Variants in ZNF385D observed in about 807,000 individuals in gnomAD.
The protein encoded by ZNF385D is zinc finger protein 385D.
In ZNF385D, 15 loss-of-function variants were observed where a neutral mutation model predicts 35.8. The ratio of observed to expected loss-of-function variants is 0.42; its 90% CI spans 0.28 to 0.64. The LOEUF is 0.64. Ranked by LOEUF, ZNF385D falls within the 30% of genes least tolerant of loss-of-function variation. ZNF385D has a pLI of 0.23. For synonymous variants in ZNF385D, 212 were observed against 186.8 expected, an observed-to-expected ratio of 1.13 and a Z score of -1.10; for missense variants, 474 against 494.6, an observed-to-expected ratio of 0.96 and a Z score of 0.39.
Position 21,465,045 on chromosome 3 carries a change from C to T in ZNF385D, c.440-27842G>A, listed in dbSNP as rs1703428947. Reference sequence around the variant, plus strand: ...ATTTCTTTCTCATTAAATACTTTGTCATTTTTACAGAAAGATTTCATATCC... The same window carrying T: ...ATTTCTTTCTCATTAAATACTTTGTTATTTTTACAGAAAGATTTCATATCC... On this transcript the variant is annotated intron_variant, in intron 4 of 7. Transcript: ENST00000281523. This position sits in a 1 kb window ranked among gnomAD's most constrained non-coding sequence, Gnocchi z 4.2. 6.6e-6 allele frequency among the ~76,000 whole-genome samples: 1 copy of T among 152,284 alleles called. No individual in the cohort carries two copies. The highest frequency in any genetic ancestry group is 2.1e-4 in the South Asian group (1 of 4,826).
At chr3:22,000,196 TA>T (rs1695747851) in intron 3 of ZNF385D, among the ~76,000 whole-genome samples, 1 of 151,836 alleles carries the variant, frequency 6.6e-6, no homozygotes, top group Admixed American at 6.6e-5. Context: ...TCCCAGCTAC[TA>T]AGGAGGCTGA....
At chr3:22,162,656 T>C (rs1359180747) in intron 3 of ZNF385D, among the ~76,000 whole-genome samples, 3 of 152,206 alleles carry the variant, frequency 2.0e-5, no homozygotes, top group Admixed American at 1.3e-4. Context: ...GCAGCCATTC[T>C]TTCTATAACC....
At chr3:22,359,074 C>CAA (rs564037085) in intron 2 of ZNF385D, among the ~76,000 whole-genome samples, 2 of 122,948 alleles carry the variant, frequency 1.6e-5, no homozygotes, top group Admixed American at 7.9e-5. Flanking sequence ...ACAAAAAAAC[C>CAA]AAAAAAAAAA....
chr3:22,163,201 G>A (rs934856833), intron 3 of ZNF385D, among the ~76,000 whole-genome samples: 1 of 152,072 alleles, frequency 6.6e-6, no homozygotes, highest in Non-Finnish European at 1.5e-5. Context: ...AATTTAGCAG[G>A]CAAAATTCCT....
chr3:21,968,285 C>G (rs899312440), intron 3 of ZNF385D, among the ~76,000 whole-genome samples: 1 of 152,150 alleles, frequency 6.6e-6, no homozygotes, highest in Admixed American at 6.5e-5. Flanking sequence ...AGCCCTCCAC[C>G]ATGGGCTAAA....
intron 2 of ZNF385D, among the ~76,000 whole-genome samples, chr3:22,224,477 A>G (rs1698439946): frequency 6.6e-6 from 1 of 152,158 alleles, no homozygotes; most frequent in African/African-American, 2.4e-5. Context: ...AAATGGTTTT[A>G]CTACTGCTCA....
intron 3 of ZNF385D, among the ~76,000 whole-genome samples, chr3:22,007,424 A>T (rs968424595): frequency 6.6e-6 from 1 of 152,214 alleles, no homozygotes; most frequent in South Asian, 2.1e-4. Context: ...CCAAATTTGC[A>T]ATTTCTAATA....
rs1701952799 is a variant in ZNF385D, at chr3:21,443,125, A to G, written c.440-5922T>C. The G allele has an allele frequency of 6.1e-6, 6 of 985,054 alleles. No homozygotes were observed. In the South Asian group the frequency reaches 2.3e-4, roughly 39 times the overall value. 61.0% of individuals were successfully genotyped at this position (985,054 alleles called of 1,614,324 possible). A position where few individuals can be genotyped will look rare whatever the true frequency, so the allele number is the denominator to read the frequency against. On this transcript the variant is annotated intron_variant, in intron 4 of 7. Transcript: ENST00000281523. ...ACGGCCTAGAAATCCCAAAGCCACC[A>G]AATGAGGCTGTGGAGAAATCAAGTG... is the stretch of plus-strand genomic sequence containing the variant.
intron 2 of ZNF385D, among the ~76,000 whole-genome samples, chr3:21,626,330 A>G (rs2065133278): frequency 6.6e-6 from 1 of 152,128 alleles, no homozygotes; most frequent in Non-Finnish European, 1.5e-5. Flanking sequence ...AAACTATGCT[A>G]CATGTGTTAT....
chr3:22,260,030 C>T (rs959737158), intron 2 of ZNF385D, among the ~76,000 whole-genome samples: 24 of 151,834 alleles, frequency 1.6e-4, no homozygotes, highest in Non-Finnish European at 8.8e-5. Flanking sequence ...GCAAAATATG[C>T]ATATAGTATA....
At chr3:22,192,172 C>T (rs7637060) in intron 2 of ZNF385D, among the ~76,000 whole-genome samples, 18,955 of 152,106 alleles carry the variant, frequency 0.12, 1,530 homozygotes, top group Middle Eastern at 0.23. Flanking sequence ...CAAAGGAGGA[C>T]ATATGAGCCA....
At chr3:21,689,239 A>G (rs1244637726) in intron 1 of ZNF385D, among the ~76,000 whole-genome samples, 1 of 152,138 alleles carries the variant, frequency 6.6e-6, no homozygotes, top group Non-Finnish European at 1.5e-5. Flanking sequence ...TACTATAACA[A>G]TAGAGACCAG....
At chr3:22,168,781 AT>A (rs1365928045) in intron 3 of ZNF385D, 21 of 974,006 alleles carry the variant, frequency 2.2e-5, no homozygotes, top group Non-Finnish European at 2.0e-5. Context: ...TAAATTGATG[AT>A]GTAAAATTGA....
intron 2 of ZNF385D, among the ~76,000 whole-genome samples, chr3:22,206,441 T>C (rs1020826421): frequency 3.3e-5 from 5 of 151,916 alleles, no homozygotes; most frequent in Admixed American, 1.3e-4. Context: ...CTAATAGATA[T>C]TTACAGAGAA....
chr3:22,130,809 G>C (rs1233823761), intron 3 of ZNF385D, among the ~76,000 whole-genome samples: 1 of 152,052 alleles, frequency 6.6e-6, no homozygotes, highest in Admixed American at 6.6e-5. Context: ...TCTTATGAAG[G>C]TACCTTCTTC....
At chr3:21,810,290 T>C (rs999278912) in intron 3 of ZNF385D, among the ~76,000 whole-genome samples, 2 of 147,820 alleles carry the variant, frequency 1.4e-5, no homozygotes, top group African/African-American at 2.5e-5. Context: ...TTAATTGATA[T>C]AGAAAAGCAC....
chr3:21,698,314 G>C (rs887526425), intron 1 of ZNF385D, among the ~76,000 whole-genome samples: 8 of 150,504 alleles, frequency 5.3e-5, no homozygotes, highest in Non-Finnish European at 1.2e-4. Context: ...GATGGGGCTG[G>C]AGGCTATTAT....
chr3:21,697,431 C>T (rs543850558), intron 1 of ZNF385D, among the ~76,000 whole-genome samples: 18 of 152,200 alleles, frequency 1.2e-4, no homozygotes, highest in African/African-American at 3.9e-4. Context: ...TTTGCCCATG[C>T]TGAGCTTTAT....
At chr3:22,107,645 C>A (rs941903234) in intron 3 of ZNF385D, among the ~76,000 whole-genome samples, 12 of 151,930 alleles carry the variant, frequency 7.9e-5, no homozygotes, top group African/African-American at 2.9e-4. Context: ...CAAAAATATG[C>A]ATTAAAATAT....
Sources: allele counts gnomAD v4.1 joint callset (sites outside exome capture counted in the v4.1 genomes callset), GRCh38; gene constraint gnomAD v4.1.1; non-coding constraint Gnocchi (gnomAD v3.1); transcripts MANE v1.5; gene names NCBI Gene and HGNC (gene_info 2026-07-23, HGNC 2026-07-21).